HNRNPA1L3: variants seen among roughly 807,000 people sequenced by gnomAD.
HNRNPA1L3 encodes heterogeneous nuclear ribonucleoprotein A1-like 3.
chr16:51,646,695 G>A, the HNRNPA1L3 span: 7 of 1,598,652 alleles, frequency 4.4e-6, no homozygotes, highest in Admixed American at 3.3e-5. Context: ...GGCGGTGGAG[G>A]CCAATACTTT....
chr16:51,646,370 G>C, the HNRNPA1L3 span: 480 of 1,514,836 alleles, frequency 3.2e-4, no homozygotes, highest in South Asian at 7.3e-4. Context: ...GTCAAAGCAA[G>C]AGATGGCTAG....
chr16:51,646,961 C>T, the HNRNPA1L3 span: 3 of 673,798 alleles, frequency 4.5e-6, no homozygotes, highest in East Asian at 2.7e-5. Flanking sequence ...GTATTTGTGA[C>T]TAATTGTATA....
chr16:51,646,043 C>G, the HNRNPA1L3 span: 41 of 1,582,606 alleles, frequency 2.6e-5, no homozygotes, highest in Non-Finnish European at 3.3e-5. Flanking sequence ...GAATGCAAGG[C>G]CACACAAGGT....
chr16:51,645,768 T>C, the HNRNPA1L3 span: 1 of 1,607,640 alleles, frequency 6.2e-7, no homozygotes, highest in Admixed American at 1.7e-5. Context: ...CTTTCTGCCC[T>C]TGGACGCCGC....
chr16:51,646,297 TAAG>T, the HNRNPA1L3 span: 1 of 1,591,812 alleles, frequency 6.3e-7, no homozygotes, highest in Non-Finnish European at 8.5e-7. Context: ...ACTCCGTGGA[TAAG>T]ATTGTCATTC....
At chr16:51,646,947 G>A in the HNRNPA1L3 span, 1 of 708,092 alleles carries the variant, frequency 1.4e-6, no homozygotes, top group East Asian at 2.7e-5. Flanking sequence ...AAAACTCGAG[G>A]ACTGTATTTG....
At chr16:51,646,599 A>G in the HNRNPA1L3 span, 13 of 1,589,512 alleles carry the variant, frequency 8.2e-6, no homozygotes, top group African/African-American at 2.7e-5. Flanking sequence ...GGAAGCTACA[A>G]TGATTTTGGC....
the HNRNPA1L3 span, chr16:51,646,707 C>T: frequency 1.3e-6 from 2 of 1,598,620 alleles, no homozygotes; most frequent in Admixed American, 3.3e-5. Flanking sequence ...CAATACTTTG[C>T]AAAACCACGA....
At chr16:51,645,775 C>T in the HNRNPA1L3 span, 1 of 1,607,824 alleles carries the variant, frequency 6.2e-7, no homozygotes, top group Non-Finnish European at 8.5e-7. Flanking sequence ...CCCTTGGACG[C>T]CGCCGAAGAA....
the HNRNPA1L3 span, chr16:51,646,751 A>G: frequency 6.3e-7 from 1 of 1,597,406 alleles, no homozygotes; most frequent in Non-Finnish European, 8.5e-7. Context: ...CAGCAGCAGC[A>G]GTAGCTATGG....
the HNRNPA1L3 span, chr16:51,646,650 G>C: frequency 8.1e-6 from 13 of 1,598,014 alleles, no homozygotes; most frequent in South Asian, 1.4e-4. Flanking sequence ...CCCATGAAGG[G>C]AGGAAATTTT....
At chr16:51,646,788 A>G in the HNRNPA1L3 span, 6 of 1,588,820 alleles carry the variant, frequency 3.8e-6, no homozygotes, top group Admixed American at 8.3e-5. Context: ...TAATTAGGAA[A>G]CAAAGCTTAG....
chr16:51,645,765 C>T, the HNRNPA1L3 span: 2 of 1,605,898 alleles, frequency 1.2e-6, no homozygotes, highest in Non-Finnish European at 1.7e-6. Flanking sequence ...TTCCTTTCTG[C>T]CCTTGGACGC....
At chr16:51,646,358 C>T in the HNRNPA1L3 span, 2 of 1,537,578 alleles carry the variant, frequency 1.3e-6, no homozygotes, top group Admixed American at 1.7e-5. Context: ...TAGAAAAGCC[C>T]TGTCAAAGCA....
the HNRNPA1L3 span, chr16:51,646,860 A>C: frequency 1.9e-6 from 2 of 1,075,980 alleles, no homozygotes; most frequent in Non-Finnish European, 2.8e-6. Flanking sequence ...TTGTGAACTC[A>C]GCCAAGCACA....
chr16:51,645,842 G>A, the HNRNPA1L3 span: 18 of 1,605,718 alleles, frequency 1.1e-5, no homozygotes, highest in Non-Finnish European at 1.4e-5. Flanking sequence ...GTCTCCTAAA[G>A]AGCCCGAACA....
the HNRNPA1L3 span, chr16:51,646,097 G>C: frequency 4.4e-6 from 7 of 1,595,844 alleles, no homozygotes; most frequent in African/African-American, 9.4e-5. Flanking sequence ...CTCCAGAGAA[G>C]ATTCTCAAAG....
At chr16:51,646,480 C>A in the HNRNPA1L3 span, 16 of 1,597,532 alleles carry the variant, frequency 1.0e-5, no homozygotes, top group Non-Finnish European at 1.3e-5. Context: ...GTGGAGGAAA[C>A]TTCAGTGGTC....
the HNRNPA1L3 span, chr16:51,645,851 C>T: frequency 6.2e-7 from 1 of 1,605,086 alleles, no homozygotes; most frequent in South Asian, 1.1e-5. Flanking sequence ...AGAGCCCGAA[C>T]AGCTGAGGAA....
Sources: gnomAD v4.1 joint callset for allele counts on GRCh38, gnomAD v4.1.1 for gene constraint, MANE v1.5 for transcripts, NCBI Gene and HGNC (gene_info 2026-07-23, HGNC 2026-07-21) for gene names.